LMF1: variants seen among roughly 807,000 people sequenced by gnomAD.
The protein encoded by LMF1 is lipase maturation factor 1, also known as transmembrane protein 112.
Under a neutral mutation model 60.6 loss-of-function variants are expected in LMF1, and 68 were observed. The ratio of observed to expected loss-of-function variants is 1.12; its 90% CI spans 0.92 to 1.37. The LOEUF (loss-of-function observed/expected upper bound fraction) is 1.37. Among genes scored for constraint, LMF1 ranks in the 40% most tolerant of loss-of-function variants. The probability of loss-of-function intolerance (pLI) is 0.00; values close to 1 mark genes in which losing one functional copy is unlikely to be tolerated. For missense variants in LMF1, 948 were observed against 767.2 expected (o/e 1.24, Z -2.78); for synonymous variants, 418 against 324.7 (o/e 1.29, Z -3.09).
rs760744893 is a variant in LMF1, at chr16:869,955, G to A, written c.1344C>T (p.Pro448=). The change falls in exon 9 of 11, where the codon CCC becomes CCT. Residue 448 remains proline, a synonymous_variant. Coordinates refer to ENST00000262301, the MANE Select transcript of LMF1 (RefSeq NM_022773.4). ...DYEFKCKPGD[P]SRRPCLISPY... is the part of the protein sequence containing the mutation. The stretch of plus-strand genomic sequence containing the variant: ...GGGAGATGAGGCAGGGCCGTCTGCT[G>A]GGGTCACCTGGCTTGCACTTGAACT... 4 of 1,613,232 alleles carry A rather than the reference G, an allele frequency of 2.5e-6. No homozygotes were observed. The highest frequency in any genetic ancestry group is 2.2e-5 in the East Asian group (1 of 44,894).
intron 3 of LMF1, among the ~76,000 whole-genome samples, chr16:926,480 G>T (rs1268258532): frequency 6.6e-6 from 1 of 152,258 alleles, no homozygotes; most frequent in Non-Finnish European, 1.5e-5. Context: ...GTCTGTGTGT[G>T]CGCATGTGCG....
chr16:859,956 A>T (rs1270355232), intron 10 of LMF1, among the ~76,000 whole-genome samples: 1 of 126,426 alleles, frequency 7.9e-6, no homozygotes, highest in Non-Finnish European at 1.5e-5. Flanking sequence ...ATGGGTGTGC[A>T]GTGATGGTAC....
intron 3 of LMF1, among the ~76,000 whole-genome samples, chr16:932,356 C>T (rs976593702): frequency 1.3e-5 from 2 of 152,214 alleles, no homozygotes; most frequent in Admixed American, 6.5e-5. Context: ...AAGCCTCAGC[C>T]GCTGCCCCCC....
intron 5 of LMF1, among the ~76,000 whole-genome samples, chr16:890,877 G>A (rs113218777): frequency 0.013 from 1,922 of 152,204 alleles, 44 homozygotes; most frequent in African/African-American, 0.044. Context: ...CAGTGACACC[G>A]AGGGTGCCTC....
intron 3 of LMF1, among the ~76,000 whole-genome samples, chr16:911,403 C>T (rs1235002644): frequency 1.3e-5 from 2 of 152,100 alleles, no homozygotes; most frequent in Non-Finnish European, 2.9e-5. Flanking sequence ...TCTGAGAATG[C>T]GCCCTGCACA....
chr16:942,563 C>T (rs2072128803), intron 2 of LMF1, among the ~76,000 whole-genome samples: 1 of 150,734 alleles, frequency 6.6e-6, no homozygotes, highest in Non-Finnish European at 1.5e-5. Context: ...CTCTGTGGGG[C>T]TCCAATCACA....
At chr16:926,371 A>C (rs1567252924) in intron 3 of LMF1, among the ~76,000 whole-genome samples, 1 of 151,870 alleles carries the variant, frequency 6.6e-6, no homozygotes, top group Non-Finnish European at 1.5e-5. Flanking sequence ...CTTGCATATG[A>C]TCTGCATTGT....
intron 1 of LMF1, among the ~76,000 whole-genome samples, chr16:978,100 C>A: frequency 2.7e-5 from 1 of 36,554 alleles, no homozygotes; most frequent in East Asian, 5.1e-4. Context: ...CACACACGGA[C>A]ACACACACAC....
chr16:882,953 C>G (rs1050059071), intron 5 of LMF1, among the ~76,000 whole-genome samples: 2 of 145,992 alleles, frequency 1.4e-5, no homozygotes, highest in African/African-American at 5.2e-5. Flanking sequence ...ATCACAGGAC[C>G]AGGAGAAAGA....
chr16:972,340 C>T (rs1450877673), upstream of LMF1, among the ~76,000 whole-genome samples: 3 of 152,260 alleles, frequency 2.0e-5, no homozygotes, highest in African/African-American at 2.4e-5. Flanking sequence ...ACATCCTCCG[C>T]ATGCTGGCCC....
intron 1 of LMF1, among the ~76,000 whole-genome samples, chr16:969,620 A>G (rs1329829724): frequency 1.3e-5 from 2 of 152,260 alleles, no homozygotes; most frequent in Non-Finnish European, 2.9e-5. Flanking sequence ...CGATGGAAGG[A>G]AAGGGAGACG....
chr16:938,074 G>A (rs1424729516), intron 2 of LMF1, among the ~76,000 whole-genome samples: 1 of 152,188 alleles, frequency 6.6e-6, no homozygotes, highest in Admixed American at 6.5e-5. Context: ...GGCGCCTTTG[G>A]GTGAGAGCAG....
chr16:880,346 G>T (rs1477134748), intron 5 of LMF1, among the ~76,000 whole-genome samples: 2 of 141,792 alleles, frequency 1.4e-5, no homozygotes, highest in South Asian at 4.6e-4. Flanking sequence ...CCAGCCAGGA[G>T]GAAGGGTGGG....
At position 954,062 on chromosome 16, in the gene LMF1, G is replaced by C. The variant is rs111820009; in HGVS notation, c.503+295C>G. 0.021 allele frequency among the ~76,000 whole-genome samples: 2,365 copies of C among 110,700 alleles called. 461 individuals carry two copies. The highest frequency in any genetic ancestry group is 0.048 in the African/African-American group (1,179 of 24,708). 72.6% of individuals were successfully genotyped at this position (110,700 alleles called of 152,430 possible). On this transcript the variant is annotated intron_variant, in intron 2 of 10. Transcript: ENST00000262301. ...CCTCCTACACGTCCACACAGACACA[G>C]ACCCACTGCTTCTGCCTCCCTTTCC...
At chr16:888,653 C>T (rs1340484641) in intron 5 of LMF1, among the ~76,000 whole-genome samples, 1 of 152,248 alleles carries the variant, frequency 6.6e-6, no homozygotes, top group African/African-American at 2.4e-5. Flanking sequence ...CAACCCTCCC[C>T]ACAGCCTGCT....
In LMF1 at chr16:871,318, G is replaced by T. The variant is rs1274193820; in HGVS notation, c.921C>A (p.Asn307Lys). ...LFQAVLIVSG[N>K]LSFLNWLTMV... is the part of the protein sequence containing the mutation. ...TAGTCAGCCAGTTCAGGAAGCTGAG[G>T]TTCCCGCTGACGATGAGGACGGCCT... Residue 307 changes from asparagine to lysine, a missense_variant, in exon 7 of 11, where the codon AAC becomes AAA. By Grantham distance (94) the Asn-to-Lys change is moderately conservative. Transcript: ENST00000262301. 6.2e-7 allele frequency: 1 copy of T among 1,612,466 alleles called. No homozygotes were observed. Among genetic ancestry groups the T allele is most frequent in the Middle Eastern group, 1.7e-4 (1 of 5,960 alleles).
chr16:907,475 G>A (rs1257543828), intron 4 of LMF1, among the ~76,000 whole-genome samples: 1 of 151,938 alleles, frequency 6.6e-6, no homozygotes, highest in African/African-American at 2.4e-5. Flanking sequence ...GTCCAGCTCC[G>A]GCGGGCACAG....
intron 2 of LMF1, 22 bp downstream of exon 2, chr16:954,334 AC>A (rs769589902): frequency 1.2e-6 from 2 of 1,606,342 alleles, no homozygotes; most frequent in East Asian, 2.2e-5. Context: ...CTAAGCTCCG[AC>A]CGCCCCATTC....
intron 1 of LMF1, among the ~76,000 whole-genome samples, chr16:963,154 G>A (rs983944386): frequency 2.0e-5 from 3 of 152,026 alleles, no homozygotes; most frequent in Non-Finnish European, 4.4e-5. Flanking sequence ...ACACAGAGGG[G>A]ACTCGGGGTG....
Sources: gnomAD v4.1 joint callset for allele counts (sites outside exome capture counted in the v4.1 genomes callset) on GRCh38, gnomAD v4.1.1 for gene constraint, MANE v1.5 for transcripts, NCBI Gene and HGNC (gene_info 2026-07-23, HGNC 2026-07-21) for gene names.